RCAN2: variants seen among roughly 807,000 people sequenced by gnomAD.
RCAN2 encodes regulator of calcineurin 2.
RCAN2 carries 9 observed loss-of-function variants against 23.6 expected under a neutral mutation model. That is an observed-to-expected ratio of 0.38 (90% CI 0.23 to 0.67). The LOEUF (loss-of-function observed/expected upper bound fraction) is 0.67, where lower values mean the gene tolerates loss of function less well. Ranked by LOEUF, RCAN2 falls within the 30% of genes least tolerant of loss-of-function variation. The pLI is 0.51. For missense variants in RCAN2, 273 were observed against 302.3 expected (o/e 0.90, Z 0.72); for synonymous variants, 109 against 115.7 (o/e 0.94, Z 0.37).
chr6:46,238,972 A>G (rs1249620627), intron 4 of RCAN2, among the ~76,000 whole-genome samples: 1 of 152,220 alleles, frequency 6.6e-6, no homozygotes, highest in Non-Finnish European at 1.5e-5. Context: ...GGATTATCTC[A>G]TTTGATGCTT....
chr6:46,456,759 T>A lies in RCAN2; in HGVS notation c.218A>T (p.Glu73Val), dbSNP rs781117993. Reference protein sequence around the residue: ...NVHQSVFEGEESKEKFEGLFR... With the variant: ...NVHQSVFEGEVSKEKFEGLFR... ...CAGAAAAAGGCAGCTTACCTTGCTC[T>A]CTTCTCCTTCAAACACTGACTGGTG... Residue 73 changes from glutamate (E) to valine (V), a missense_variant, in exon 2 of 5, where the codon GAG becomes GTG. By Grantham distance (121) the Glu-to-Val change is moderately radical. Transcript: ENST00000371374. The A allele has an allele frequency of 4.5e-6, 7 of 1,550,212 alleles. No individual in the cohort carries two copies. In the Admixed American group the frequency reaches 1.2e-4, roughly 26 times the overall value.
intron 2 of RCAN2, among the ~76,000 whole-genome samples, chr6:46,312,987 A>T (rs1463246268): frequency 2.0e-5 from 3 of 152,214 alleles, no homozygotes; most frequent in Non-Finnish European, 2.9e-5. Context: ...AGACTTGCAC[A>T]TAAGACCCAA....
intron 2 of RCAN2, among the ~76,000 whole-genome samples, chr6:46,263,132 G>C (rs924722035): frequency 3.3e-5 from 5 of 152,120 alleles, no homozygotes; most frequent in African/African-American, 1.2e-4. Context: ...CTTTGGAAAG[G>C]GCTCACTTGG....
At chr6:46,457,057 G>A in intron 1 of RCAN2, 79 bp from the exon 2 acceptor site, 1 of 933,124 alleles carries the variant, frequency 1.1e-6, no homozygotes, top group Non-Finnish European at 1.7e-6. Flanking sequence ...GTTTTGTATT[G>A]TCAGGGGCAG....
At chr6:46,363,646 T>C (rs948559895) in intron 2 of RCAN2, among the ~76,000 whole-genome samples, 2 of 152,114 alleles carry the variant, frequency 1.3e-5, no homozygotes, top group African/African-American at 4.8e-5. Context: ...AGAAATGAAA[T>C]GAATTACTTA....
chr6:46,353,138 C>T (rs556324269), intron 2 of RCAN2, among the ~76,000 whole-genome samples: 4 of 152,224 alleles, frequency 2.6e-5, no homozygotes, highest in Admixed American at 6.5e-5. Context: ...ATAAGCTCCT[C>T]CCTGGGTGGG....
chr6:46,417,445 G>T (rs1230794291), intron 2 of RCAN2, among the ~76,000 whole-genome samples: 2 of 152,180 alleles, frequency 1.3e-5, no homozygotes, highest in South Asian at 2.1e-4. Context: ...GATGAAGAAA[G>T]ATTATGATAA....
At chr6:46,247,022 A>G (rs997954822) in intron 3 of RCAN2, 103 bp from the exon 4 acceptor site, 2 of 911,646 alleles carry the variant, frequency 2.2e-6, no homozygotes, top group Non-Finnish European at 3.3e-6. Flanking sequence ...CGACAAATGA[A>G]CCGATGAACC....
intron 2 of RCAN2, among the ~76,000 whole-genome samples, chr6:46,421,663 G>C (rs904720758): frequency 8.5e-5 from 13 of 152,064 alleles, no homozygotes; most frequent in African/African-American, 3.1e-4. Flanking sequence ...CACTTCTCCA[G>C]GTTCCAAAAG....
At chr6:46,305,562 C>T (rs1763035506) in intron 2 of RCAN2, among the ~76,000 whole-genome samples, 1 of 151,970 alleles carries the variant, frequency 6.6e-6, no homozygotes, top group Admixed American at 6.6e-5. Flanking sequence ...ATTTTTGTCT[C>T]ATCAGATTCA....
intron 2 of RCAN2, among the ~76,000 whole-genome samples, chr6:46,449,482 A>G (rs982519667): frequency 2.6e-5 from 4 of 151,510 alleles, no homozygotes; most frequent in African/African-American, 9.7e-5. Context: ...ACATTTTTTC[A>G]CAGAAATAGA....
intron 2 of RCAN2, among the ~76,000 whole-genome samples, chr6:46,370,459 C>T (rs536262606): frequency 2.0e-4 from 31 of 152,270 alleles, no homozygotes; most frequent in Admixed American, 1.2e-3. Context: ...TTCTGACTTC[C>T]AGTTAAATTC....
In RCAN2 at chr6:46,222,961, T is replaced by C; in HGVS notation, c.*180A>G. The C allele has an allele frequency of 3.1e-6, 2 of 638,658 alleles. No individual in the cohort carries two copies. Among genetic ancestry groups the C allele is most frequent in the Non-Finnish European group, 5.5e-6 (2 of 361,090 alleles). 39.6% of individuals were successfully genotyped at this position (638,658 alleles called of 1,614,324 possible). A position where few individuals can be genotyped will look rare whatever the true frequency, so the allele number is the denominator to read the frequency against. ...AATAATGGGTTATACTTAATGGGTATGATATGATCAGGAGACATATCACCT... is the reference window on the plus strand; with the variant it reads ...AATAATGGGTTATACTTAATGGGTACGATATGATCAGGAGACATATCACCT... On this transcript the variant is annotated 3_prime_UTR_variant, in exon 5 of 5. Transcript: ENST00000371374.
intron 2 of RCAN2, among the ~76,000 whole-genome samples, chr6:46,256,694 T>C (rs953248877): frequency 1.3e-5 from 2 of 152,188 alleles, no homozygotes; most frequent in East Asian, 3.8e-4. Flanking sequence ...TTCTTATTTG[T>C]GCCCCAGATT....
At chr6:46,404,086 G>A (rs9349357) in intron 2 of RCAN2, among the ~76,000 whole-genome samples, 64,536 of 152,022 alleles carry the variant, frequency 0.42, 16,044 homozygotes, top group East Asian at 0.59. Context: ...GCTAGGTGTG[G>A]TGGTGCGTGC....
intron 2 of RCAN2, among the ~76,000 whole-genome samples, chr6:46,280,430 T>C (rs1405098333): frequency 6.6e-6 from 1 of 152,040 alleles, no homozygotes; most frequent in Non-Finnish European, 1.5e-5. Flanking sequence ...GGATCTTTGC[T>C]GAAAACTTAG....
intron 2 of RCAN2, among the ~76,000 whole-genome samples, chr6:46,400,454 C>G (rs947825607): frequency 6.6e-6 from 1 of 152,110 alleles, no homozygotes; most frequent in Non-Finnish European, 1.5e-5. Context: ...TTTCTCTTGT[C>G]CCTTCCCCAG....
chr6:46,424,747 G>C (rs1435150139), intron 2 of RCAN2, among the ~76,000 whole-genome samples: 2 of 152,058 alleles, frequency 1.3e-5, no homozygotes, highest in African/African-American at 4.8e-5. Context: ...AAACAGAATG[G>C]AGATAATGTA....
chr6:46,248,703 T>C lies in RCAN2; in HGVS notation c.399+20A>G. Reference sequence around the variant, plus strand: ...ATAATGTAGGGCAAAAAGAATAACTTTGGTAAACAATTACCTTACCTGTGC... The same window carrying C: ...ATAATGTAGGGCAAAAAGAATAACTCTGGTAAACAATTACCTTACCTGTGC... On this transcript the variant is annotated intron_variant, in intron 3 of 4. Transcript: ENST00000371374. 2 of 1,545,768 alleles carry C rather than the reference T, an allele frequency of 1.3e-6. No individual in the cohort carries two copies. The highest frequency in any genetic ancestry group is 8.7e-7 in the Non-Finnish European group (1 of 1,144,348).
Sources: gnomAD v4.1 joint callset for allele counts (sites outside exome capture counted in the v4.1 genomes callset) on GRCh38, gnomAD v4.1.1 for gene constraint, MANE v1.5 for transcripts, NCBI Gene and HGNC (gene_info 2026-07-23, HGNC 2026-07-21) for gene names.